Variants in MED13L observed in about 807,000 individuals in gnomAD.
The protein encoded by MED13L is mediator complex subunit 13L.
MED13L carries 7 observed loss-of-function variants against 220.9 expected under a neutral mutation model. The observed-to-expected ratio is 0.03, with a 90% CI of 0.02 to 0.06. The LOEUF is 0.06. Among genes scored for constraint, MED13L ranks in the 10% least tolerant of loss-of-function variants. MED13L has a pLI of 1.00. For missense variants in MED13L, 1,965 were observed against 2,760.5 expected (o/e 0.71, Z 6.46); for synonymous variants, 1,011 against 1,015.2 (o/e 1.00, Z 0.08).
At position 116,146,749 on chromosome 12, in the gene MED13L, T is replaced by C. The variant is rs1372084055; in HGVS notation, c.311-35237A>G. Among the ~76,000 whole-genome samples, 6 of 151,898 alleles carry C rather than the reference T, an allele frequency of 4.0e-5. No homozygotes were observed. The East Asian group carries it at 1.2e-3, about 29-fold the overall frequency. ...TGAGCATGGTGGTCCACACCTATAATCCCAGCTTCTTGGGAGGCTGAGGCA... is the reference window on the plus strand; with the variant it reads ...TGAGCATGGTGGTCCACACCTATAACCCCAGCTTCTTGGGAGGCTGAGGCA... On this transcript the variant is annotated intron_variant, in intron 2 of 30. Coordinates refer to ENST00000281928, the MANE Select transcript of MED13L (RefSeq NM_015335.5).
At chr12:116,065,124 A>G (rs1472445176) in intron 4 of MED13L, among the ~76,000 whole-genome samples, 1 of 152,190 alleles carries the variant, frequency 6.6e-6, no homozygotes, top group African/African-American at 2.4e-5. Context: ...ATTAAATATT[A>G]ATTATACCTC....
intron 1 of MED13L, among the ~76,000 whole-genome samples, chr12:116,262,860 CA>C (rs1352841760): frequency 6.6e-6 from 1 of 152,276 alleles, no homozygotes; most frequent in East Asian, 1.9e-4. Context: ...CAAATAGCAA[CA>C]AAATATCATC....
At chr12:116,218,258 T>C (rs796649438) in intron 2 of MED13L, among the ~76,000 whole-genome samples, 7 of 152,302 alleles carry the variant, frequency 4.6e-5, no homozygotes, top group African/African-American at 1.7e-4. Context: ...ATGGGATTTT[T>C]TATAGCTCTC....
intron 2 of MED13L, among the ~76,000 whole-genome samples, chr12:116,165,684 C>CA (rs1016767723): frequency 2.6e-5 from 4 of 152,152 alleles, no homozygotes; most frequent in Non-Finnish European, 4.4e-5. Context: ...TGTAGACTAA[C>CA]AGAGTTTCAC....
intron 1 of MED13L, among the ~76,000 whole-genome samples, chr12:116,246,496 C>T (rs1277738032): frequency 2.0e-5 from 3 of 151,440 alleles, no homozygotes; most frequent in Middle Eastern, 6.8e-3. Flanking sequence ...TAGGCAAAAA[C>T]TGTGGGGATG....
chr12:116,126,671 A>G (rs1875615964), intron 2 of MED13L, among the ~76,000 whole-genome samples: 2 of 152,006 alleles, frequency 1.3e-5, no homozygotes, highest in African/African-American at 4.8e-5. Context: ...CAAACCAAAA[A>G]CCCAAAAAGC....
Position 115,975,239 on chromosome 12 carries a change from T to C in MED13L, c.5663A>G (p.Gln1888Arg). 6.2e-7 allele frequency: 1 copy of C among 1,614,188 alleles called. No homozygotes were observed. The highest frequency in any genetic ancestry group is 8.5e-7 in the Non-Finnish European group (1 of 1,180,022). The change falls in exon 25 of 31, where the codon CAA becomes CGA. Residue 1888 changes from glutamine to arginine, a missense_variant. By Grantham distance (43) the Gln-to-Arg change is conservative. Coordinates refer to ENST00000281928, the MANE Select transcript of MED13L (RefSeq NM_015335.5). ...AACTCTCCAGGGTAGAGATGTCATTTGGACAATCCCTATGCACCACTCCCA... is the reference window on the plus strand; with the variant it reads ...AACTCTCCAGGGTAGAGATGTCATTCGGACAATCCCTATGCACCACTCCCA... ...KLWEWCIGIV[Q>R]MTSLPWRVVI...
At chr12:115,987,334 C>G in intron 17 of MED13L, 46 bp from the exon 18 acceptor site, 1 of 1,549,728 alleles carries the variant, frequency 6.5e-7, no homozygotes, top group Non-Finnish European at 8.8e-7. Flanking sequence ...GGGGCTAGCA[C>G]CCTCCTCTTC....
chr12:116,169,664 A>G (rs1879533386), intron 2 of MED13L, among the ~76,000 whole-genome samples: 1 of 152,224 alleles, frequency 6.6e-6, no homozygotes, highest in African/African-American at 2.4e-5. Flanking sequence ...CTAACACTAT[A>G]CCAAAACTAA....
rs1276799877 is a variant in MED13L, at chr12:116,113,974, CTTT to C, written c.311-2465_311-2463del. 2.6e-5 allele frequency among the ~76,000 whole-genome samples: 4 copies of C among 152,242 alleles called. No individual in the cohort carries two copies. The East Asian group carries it at 7.7e-4, about 29-fold the overall frequency. On this transcript the variant is annotated intron_variant, in intron 2 of 30. Transcript: ENST00000281928. ...CATTATGTCTCCTGCTGCAACCACC[CTTT>C]TTGTTTTTATTTTGATATACTTTAT...
intron 4 of MED13L, among the ~76,000 whole-genome samples, chr12:116,081,318 T>C (rs1312302546): frequency 1.3e-5 from 2 of 152,238 alleles, no homozygotes; most frequent in Non-Finnish European, 2.9e-5. Context: ...GTATTTGCAT[T>C]ACGATGCTAA....
At chr12:116,053,142 T>C (rs1027987826) in intron 4 of MED13L, among the ~76,000 whole-genome samples, 3 of 152,330 alleles carry the variant, frequency 2.0e-5, no homozygotes, top group East Asian at 1.9e-4. Context: ...GCACTAATTA[T>C]AGTTTCTTAT....
intron 2 of MED13L, among the ~76,000 whole-genome samples, chr12:116,158,583 T>C (rs1047312085): frequency 2.0e-5 from 3 of 152,168 alleles, no homozygotes; most frequent in Non-Finnish European, 4.4e-5. Context: ...ACAGAGTATA[T>C]GATGCACTCC....
intron 2 of MED13L, among the ~76,000 whole-genome samples, chr12:116,139,841 A>G (rs112761681): frequency 0.071 from 10,743 of 152,000 alleles, 504 homozygotes; most frequent in Middle Eastern, 0.11. Flanking sequence ...ATGGCAGCAC[A>G]CACCTATAAT....
chr12:116,255,636 T>C (rs967147101), intron 1 of MED13L, among the ~76,000 whole-genome samples: 1 of 152,238 alleles, frequency 6.6e-6, no homozygotes, highest in Admixed American at 6.5e-5. Context: ...AATGAACTTG[T>C]ATCCAGGATA....
At chr12:116,188,859 C>T (rs1268272733) in intron 2 of MED13L, among the ~76,000 whole-genome samples, 1 of 152,146 alleles carries the variant, frequency 6.6e-6, no homozygotes, top group Non-Finnish European at 1.5e-5. Context: ...CACTCAGCAT[C>T]ATTTTCTGGA....
chr12:116,080,475 C>G (rs1871154207), intron 4 of MED13L, among the ~76,000 whole-genome samples: 1 of 152,148 alleles, frequency 6.6e-6, no homozygotes, highest in African/African-American at 2.4e-5. Flanking sequence ...GGTTCCCAAA[C>G]CATGTACCAA....
chr12:116,050,958 A>C (rs1198699951), intron 4 of MED13L, among the ~76,000 whole-genome samples: 3 of 152,076 alleles, frequency 2.0e-5, no homozygotes, highest in Admixed American at 1.3e-4. Flanking sequence ...AAAAAAAAAA[A>C]CCCAGAAATT....
chr12:116,124,950 TA>T, intron 2 of MED13L, among the ~76,000 whole-genome samples: 1 of 152,182 alleles, frequency 6.6e-6, no homozygotes, highest in Non-Finnish European at 1.5e-5. Flanking sequence ...TAAACCAAAA[TA>T]TTGGAAAATA....
Sources: gnomAD v4.1 joint callset for allele counts (sites outside exome capture counted in the v4.1 genomes callset) on GRCh38, gnomAD v4.1.1 for gene constraint, MANE v1.5 for transcripts, NCBI Gene and HGNC (gene_info 2026-07-23, HGNC 2026-07-21) for gene names.